The following AMDHD2 variants were observed in gnomAD, a reference collection of about 807,000 sequenced individuals.
AMDHD2 encodes N-acetylglucosamine-6-phosphate deacetylase.
Under a neutral mutation model 41.8 loss-of-function variants are expected in AMDHD2, and 24 were observed. The ratio of observed to expected loss-of-function variants is 0.57; its 90% CI spans 0.42 to 0.81. The LOEUF (loss-of-function observed/expected upper bound fraction) is 0.81. AMDHD2 is among the 30% of genes least tolerant of loss of function. The pLI is 0.00. For synonymous variants in AMDHD2, 332 were observed against 255.5 expected (o/e 1.30, Z -2.85); for missense variants, 540 against 588.5 (o/e 0.92, Z 0.85).
rs1007981757 is a variant in AMDHD2, at chr16:2,531,298, A to C, written c.*1735A>C. Reference sequence around the variant, plus strand: ...GAGGGGCCCAGGGTCAGGGTGAGAGAGAGCTGGGCCAGGGAGCTGCTGCAG... The same window carrying C: ...GAGGGGCCCAGGGTCAGGGTGAGAGCGAGCTGGGCCAGGGAGCTGCTGCAG... On this transcript the variant is annotated 3_prime_UTR_variant, in exon 11 of 11. Transcript: ENST00000293971. 19 of 565,772 alleles carry C rather than the reference A, an allele frequency of 3.4e-5. No homozygotes were observed. Among genetic ancestry groups the C allele is most frequent in the African/African-American group, 1.9e-4 (10 of 53,288 alleles). 35.0% of individuals were successfully genotyped at this position (565,772 alleles called of 1,614,324 possible).
Position 2,530,194 on chromosome 16 carries a change from G to A in AMDHD2, c.*631G>A, listed in dbSNP as rs1461770811. 3 of 1,496,812 alleles carry A rather than the reference G, an allele frequency of 2.0e-6. No homozygotes were observed. Among genetic ancestry groups the A allele is most frequent in the African/African-American group, 2.8e-5 (2 of 72,556 alleles). The allele number at this position is 1,496,812 out of a possible 1,614,324, so 92.7% of individuals were successfully genotyped here. On this transcript the variant is annotated 3_prime_UTR_variant, in exon 11 of 11. Coordinates refer to ENST00000293971, the MANE Select transcript of AMDHD2 (RefSeq NM_001330449.2). Reference sequence around the variant, plus strand: ...CTCCCTGGACTGCCTAGCCCTGAGTGCCACGGATGACCAGCGTTCTGTTTT... The same window carrying A: ...CTCCCTGGACTGCCTAGCCCTGAGTACCACGGATGACCAGCGTTCTGTTTT...
chr16:2,523,176 T>C (rs1302121932), intron 3 of AMDHD2, among the ~76,000 whole-genome samples: 2 of 152,212 alleles, frequency 1.3e-5, no homozygotes, highest in African/African-American at 4.8e-5. Flanking sequence ...ATGAATATTT[T>C]CTTATGGAGC....
In AMDHD2 at chr16:2,520,484, G is replaced by A. The variant is rs891153808; in HGVS notation, c.26G>A (p.Gly9Glu). ...ATGCGCGGCGAGCAGGGCGCGGCGG[G>A]GGCCCGCGTGCTCCAGTTCACTAAC... MRGEQGAA[G>E]ARVLQFTNCR... The change falls in exon 1 of 11, where the codon GGG becomes GAG. Residue 9 changes from glycine to glutamate, a missense_variant. Transcript: ENST00000293971. 7 of 1,233,848 alleles carry A rather than the reference G, an allele frequency of 5.7e-6. No individual in the cohort carries two copies. Among genetic ancestry groups the A allele is most frequent in the Non-Finnish European group, 5.1e-6 (5 of 982,342 alleles). 76.4% of individuals were successfully genotyped at this position (1,233,848 alleles called of 1,614,324 possible).
At position 2,530,856 on chromosome 16, in the gene AMDHD2, TGA is replaced by T. The variant is rs762481591; in HGVS notation, c.*1297_*1298del. 2.2e-5 allele frequency: 35 copies of T among 1,613,582 alleles called. No homozygotes were observed. The highest frequency in any genetic ancestry group is 8.0e-5 in the African/African-American group (6 of 75,008). The stretch of plus-strand genomic sequence containing the variant: ...GCGACGGATGTGGATCCTGACCTCC[TGA>T]GAGGTGTGAGGTGCAGGGATACCCA... On this transcript the variant is annotated 3_prime_UTR_variant, in exon 11 of 11. Transcript: ENST00000293971.
intron 10 of AMDHD2, 165 bp from the exon 11 acceptor site, chr16:2,529,310 G>A (rs1231904564): frequency 4.2e-6 from 5 of 1,200,908 alleles, no homozygotes; most frequent in Non-Finnish European, 4.7e-6. Flanking sequence ...GTTGCAGGGA[G>A]CATTGTCCAG....
At chr16:2,522,930 G>A (rs1215937807) in intron 3 of AMDHD2, among the ~76,000 whole-genome samples, 5 of 147,662 alleles carry the variant, frequency 3.4e-5, no homozygotes, top group African/African-American at 5.1e-5. Flanking sequence ...TACAACCTCC[G>A]CCTCCTGGGT....
At position 2,527,805 on chromosome 16, in the gene AMDHD2, G is replaced by A; in HGVS notation, c.448G>A (p.Glu150Lys). 1 of 1,586,852 alleles carries A rather than the reference G, an allele frequency of 6.3e-7. No individual in the cohort carries two copies. The highest frequency in any genetic ancestry group is 8.5e-7 in the Non-Finnish European group (1 of 1,171,438). The change falls in exon 5 of 11, where the codon GAG (glutamate) becomes AAG (lysine). Residue 150 changes from glutamate (E) to lysine (K), a missense_variant. Coordinates refer to ENST00000293971, the MANE Select transcript of AMDHD2 (RefSeq NM_001330449.2). This position sits in a 1 kb window ranked among gnomAD's most constrained non-coding sequence, Gnocchi z 6.1. Reference sequence around the variant, plus strand: ...CCTGGAGGGCCCCTTCATCAGCCGGGAGAAGCGGGGCGCGCACCCCGAGGC... The same window carrying A: ...CCTGGAGGGCCCCTTCATCAGCCGGAAGAAGCGGGGCGCGCACCCCGAGGC... ...LHLEGPFISR[E>K]KRGAHPEAHL... is the part of the protein sequence containing the mutation.
chr16:2,522,359 G>A (rs1311614128), intron 3 of AMDHD2, among the ~76,000 whole-genome samples: 2 of 152,108 alleles, frequency 1.3e-5, no homozygotes, highest in African/African-American at 2.4e-5. Context: ...CTGGCACTAC[G>A]GGCTTGTGCC....
chr16:2,524,652 C>T lies in AMDHD2; in HGVS notation c.361-2909C>T, dbSNP rs953620443. Among the ~76,000 whole-genome samples, 3 of 152,250 alleles carry T rather than the reference C, an allele frequency of 2.0e-5. No individual in the cohort carries two copies. In the South Asian group the frequency reaches 6.2e-4, roughly 32 times the overall value. ...TAGGGCTTGTGAGGAAAAACAGCGGCCCTTTGCCCCAACCAGCATCCACCC... is the reference window on the plus strand; with the variant it reads ...TAGGGCTTGTGAGGAAAAACAGCGGTCCTTTGCCCCAACCAGCATCCACCC... On this transcript the variant is annotated intron_variant, in intron 3 of 10. Transcript: ENST00000293971.
rs200058490 is a variant in AMDHD2, at chr16:2,527,594, C to T, written c.394C>T (p.Pro132Ser). Reference sequence around the variant, plus strand: ...TCAGATCCCTGTGAAGAGTGGTGGTCCCCATGGGGCAGGGGTCCTCGGTGA... The same window carrying T: ...TCAGATCCCTGTGAAGAGTGGTGGTTCCCATGGGGCAGGGGTCCTCGGTGA... ...VPQIPVKSGG[P>S]HGAGVLGLHL... The change falls in exon 4 of 11, where the codon CCC becomes TCC. Residue 132 changes from proline (P) to serine (S), a missense_variant. Physicochemically the swap from Pro to Ser is moderately conservative, Grantham distance 74. Transcript: ENST00000293971. This position sits in a 1 kb window ranked among gnomAD's most constrained non-coding sequence, Gnocchi z 6.1. 190 of 1,613,052 alleles carry T rather than the reference C, an allele frequency of 1.2e-4. No individual in the cohort carries two copies. The highest frequency in any genetic ancestry group is 1.5e-4 in the Non-Finnish European group (179 of 1,179,718).
At position 2,529,083 on chromosome 16, in the gene AMDHD2, G is replaced by A. The variant is rs767271940; in HGVS notation, c.1129G>A (p.Gly377Ser). 7.6e-6 allele frequency: 12 copies of A among 1,586,670 alleles called. No homozygotes were observed. Among genetic ancestry groups the A allele is most frequent in the Non-Finnish European group, 9.4e-6 (11 of 1,167,526 alleles). Residue 377 changes from glycine to serine, a missense_variant, in exon 10 of 11, where the codon GGT becomes AGT. Coordinates refer to ENST00000293971, the MANE Select transcript of AMDHD2 (RefSeq NM_001330449.2). Reference protein sequence around the residue: ...LEKSKGTLDFGADADFVVLDD... With the variant: ...LEKSKGTLDFSADADFVVLDD... The stretch of plus-strand genomic sequence containing the variant: ...GAAGAGTAAGGGGACCCTGGACTTT[G>A]GTGCTGACGCAGGTGAGGGCCTGTC...
Position 2,527,475 on chromosome 16 carries a change from T to C in AMDHD2, c.361-86T>C. Reference sequence around the variant, plus strand: ...GGGCTGGGTGCTGGGCTCTGAACTCTGACCTGAGATCTCTGGCCTTGGCTA... The same window carrying C: ...GGGCTGGGTGCTGGGCTCTGAACTCCGACCTGAGATCTCTGGCCTTGGCTA... On this transcript the variant is annotated intron_variant, in intron 3 of 10. Transcript: ENST00000293971. The surrounding 1 kb of genome is among the most constrained non-coding windows in gnomAD (Gnocchi z 6.1). 1 of 1,477,454 alleles carries C rather than the reference T, an allele frequency of 6.8e-7. No individual in the cohort carries two copies. The allele number at this position is 1,477,454 out of a possible 1,614,324, so 91.5% of individuals were successfully genotyped here.
In AMDHD2 at chr16:2,531,042, G is replaced by A; in HGVS notation, c.*1479G>A. 1.3e-6 allele frequency: 2 copies of A among 1,598,146 alleles called. No homozygotes were observed. Among genetic ancestry groups the A allele is most frequent in the Non-Finnish European group, 1.7e-6 (2 of 1,168,120 alleles). ...AGAGGTTGAGCATCGCCTGTGCCCA[G>A]CTTGCTGGCTGTCAGTGCTTGATGT... On this transcript the variant is annotated 3_prime_UTR_variant, in exon 11 of 11. Transcript: ENST00000293971.
In AMDHD2 at chr16:2,531,218, C is replaced by A; in HGVS notation, c.*1655C>A. 9.2e-7 allele frequency: 1 copy of A among 1,082,778 alleles called. No homozygotes were observed. The highest frequency in any genetic ancestry group is 1.6e-5 in the South Asian group (1 of 61,690). 67.1% of individuals were successfully genotyped at this position (1,082,778 alleles called of 1,614,324 possible). On this transcript the variant is annotated 3_prime_UTR_variant, in exon 11 of 11. Coordinates refer to ENST00000293971, the MANE Select transcript of AMDHD2 (RefSeq NM_001330449.2). ...CGCCCCACCTCCCTGGCTGGAGGGT[C>A]GGGGAGGGGCTGGCAGAGATGGTTG...
Position 2,529,073 on chromosome 16 carries a change from C to T in AMDHD2, c.1119C>T (p.Thr373=), listed in dbSNP as rs770368786. ...QLLGLEKSKG[T]LDFGADADFV... ...TGGGGCTGGAGAAGAGTAAGGGGAC[C>T]CTGGACTTTGGTGCTGACGCAGGTG... Residue 373 remains threonine, a synonymous_variant, in exon 10 of 11, where the codon ACC becomes ACT. Coordinates refer to ENST00000293971, the MANE Select transcript of AMDHD2 (RefSeq NM_001330449.2). 5 of 1,593,976 alleles carry T rather than the reference C, an allele frequency of 3.1e-6. No individual in the cohort carries two copies. The highest frequency in any genetic ancestry group is 1.1e-5 in the South Asian group (1 of 88,148).
intron 3 of AMDHD2, among the ~76,000 whole-genome samples, chr16:2,524,916 A>C (rs1486097120): frequency 6.6e-6 from 1 of 151,076 alleles, no homozygotes; most frequent in Non-Finnish European, 1.5e-5. Context: ...CAGTCATCGG[A>C]GTGGTGTGAA....
chr16:2,521,475 G>T (rs1041892185), intron 3 of AMDHD2, among the ~76,000 whole-genome samples: 2 of 152,070 alleles, frequency 1.3e-5, no homozygotes, highest in Non-Finnish European at 2.9e-5. Flanking sequence ...TTGGCACAGC[G>T]ATAGTCCCTG....
At chr16:2,528,597 C>T (rs377376699) in intron 8 of AMDHD2, 38 bp downstream of exon 8, 45 of 1,612,688 alleles carry the variant, frequency 2.8e-5, no homozygotes, top group African/African-American at 2.1e-4. Context: ...GGTCCCAGCC[C>T]GCATGCCAGG....
intron 7 of AMDHD2, 25 bp downstream of exon 7, chr16:2,528,405 C>T (rs2066036140): frequency 1.2e-6 from 2 of 1,612,730 alleles, no homozygotes; most frequent in Non-Finnish European, 8.5e-7. Flanking sequence ...GTGGCCAGGA[C>T]AGGTAGGATG....
Sources: allele counts gnomAD v4.1 joint callset (sites outside exome capture counted in the v4.1 genomes callset), GRCh38; gene constraint gnomAD v4.1.1; non-coding constraint Gnocchi (gnomAD v3.1); transcripts MANE v1.5; gene names NCBI Gene and HGNC (gene_info 2026-07-23, HGNC 2026-07-21).